PEX13: variants seen among roughly 807,000 people sequenced by gnomAD.
PEX13 encodes peroxisome biogenesis factor 13.
PEX13 carries 28 observed loss-of-function variants against 34.5 expected under a neutral mutation model. The observed-to-expected ratio is 0.81, with a 90% confidence interval of 0.60 to 1.11. The LOEUF (loss-of-function observed/expected upper bound fraction) is 1.11. Among genes scored for constraint, PEX13 ranks in the 50% most tolerant of loss-of-function variants. The pLI is 0.00. For synonymous variants in PEX13, 177 were observed against 175.1 expected, an observed-to-expected ratio of 1.01 and a Z score of -0.09; for missense variants, 550 against 491.0, an observed-to-expected ratio of 1.12 and a Z score of -1.13.
intron 1 of PEX13, among the ~76,000 whole-genome samples, chr2:61,021,464 G>A (rs569712844): frequency 2.0e-5 from 3 of 152,278 alleles, no homozygotes; most frequent in Non-Finnish European, 4.4e-5. Flanking sequence ...GCCTGGCAGG[G>A]GGAGGGGAAT....
chr2:61,037,759 A>G (rs1211729413), intron 2 of PEX13, among the ~76,000 whole-genome samples: 5 of 152,238 alleles, frequency 3.3e-5, no homozygotes, highest in Non-Finnish European at 7.3e-5. Context: ...CATAACTAAG[A>G]TCAGAGCAAA....
chr2:61,051,316 T>G lies in PEX13; in HGVS notation c.*2546T>G, dbSNP rs1305199093. Reference sequence around the variant, plus strand: ...GTTTGATAAAACAGATTATTAAATTTGGGGTTGAGATGTCTAAATTGAATG... The same window carrying G: ...GTTTGATAAAACAGATTATTAAATTGGGGGTTGAGATGTCTAAATTGAATG... On this transcript the variant is annotated 3_prime_UTR_variant, in exon 4 of 4. Transcript: ENST00000295030. The G allele has an allele frequency of 6.6e-6, 1 of 152,322 alleles. No individual in the cohort carries two copies. The highest frequency in any genetic ancestry group is 1.9e-4 in the East Asian group (1 of 5,346). 9.4% of individuals were successfully genotyped at this position (152,322 alleles called of 1,614,324 possible).
intron 2 of PEX13, among the ~76,000 whole-genome samples, chr2:61,032,998 T>C (rs1257720288): frequency 1.3e-5 from 2 of 152,228 alleles, no homozygotes; most frequent in Non-Finnish European, 2.9e-5. Flanking sequence ...TTATGAGACT[T>C]AATCTTTACA....
intron 2 of PEX13, among the ~76,000 whole-genome samples, chr2:61,033,836 A>G (rs1434602534): frequency 6.6e-6 from 1 of 152,190 alleles, no homozygotes; most frequent in East Asian, 1.9e-4. Context: ...GTGTGATTGG[A>G]GCAAAGTGTT....
intron 1 of PEX13, chr2:61,018,498 A>T (rs936529420): frequency 3.7e-6 from 2 of 534,502 alleles, no homozygotes; most frequent in Admixed American, 3.7e-5. Flanking sequence ...TTTAATCAGT[A>T]TCAGTTGGTT....
chr2:61,020,216 A>T (rs1184496597), intron 1 of PEX13, among the ~76,000 whole-genome samples: 1 of 151,836 alleles, frequency 6.6e-6, no homozygotes, highest in East Asian at 1.9e-4. Context: ...ACAGAGGGAG[A>T]CTCCATCTCA....
At chr2:61,047,398 C>T (rs1290511860) in intron 3 of PEX13, among the ~76,000 whole-genome samples, 2 of 152,160 alleles carry the variant, frequency 1.3e-5, no homozygotes, top group East Asian at 1.9e-4. Context: ...TTGTGATCCG[C>T]CCGACTTGGC....
At chr2:61,036,648 C>T (rs1680540443) in intron 2 of PEX13, among the ~76,000 whole-genome samples, 1 of 152,244 alleles carries the variant, frequency 6.6e-6, no homozygotes, top group East Asian at 1.9e-4. Flanking sequence ...AAAGGAACAA[C>T]TGGTACCAGC....
intron 1 of PEX13, among the ~76,000 whole-genome samples, chr2:61,022,260 G>A (rs571151847): frequency 3.3e-5 from 5 of 152,130 alleles, no homozygotes; most frequent in Non-Finnish European, 5.9e-5. Flanking sequence ...CTAACCCGTC[G>A]CAAAGAAGCT....
chr2:61,036,289 A>C (rs1434948946), intron 2 of PEX13, among the ~76,000 whole-genome samples: 2 of 152,192 alleles, frequency 1.3e-5, no homozygotes, highest in African/African-American at 4.8e-5. Flanking sequence ...AACACCAGGA[A>C]GATACTCCTC....
At chr2:61,020,078 T>C (rs181685893) in intron 1 of PEX13, among the ~76,000 whole-genome samples, 1 of 152,218 alleles carries the variant, frequency 6.6e-6, no homozygotes, top group East Asian at 1.9e-4. Context: ...AAAAAAACAT[T>C]AGCTGGGTGC....
At position 61,051,479 on chromosome 2, in the gene PEX13, G is replaced by A. The variant is rs1400552599; in HGVS notation, c.*2709G>A. ...GCTAAATTACGGTATGCATTATCTG[G>A]TGACTATTTGTGCCTGAAAATTCGT... On this transcript the variant is annotated 3_prime_UTR_variant, in exon 4 of 4. Coordinates refer to ENST00000295030, the MANE Select transcript of PEX13 (RefSeq NM_002618.4). 1.3e-5 allele frequency: 2 copies of A among 152,310 alleles called. No individual in the cohort carries two copies. Among genetic ancestry groups the A allele is most frequent in the Non-Finnish European group, 2.9e-5 (2 of 68,028 alleles). The allele number at this position is 152,310 out of a possible 1,614,324, so 9.4% of individuals were successfully genotyped here. A position where few individuals can be genotyped will look rare whatever the true frequency, so the allele number is the denominator to read the frequency against.
Position 61,017,742 on chromosome 2 carries a change from C to T in PEX13, c.-18C>T, listed in dbSNP as rs1395079216. ...GACAGTCAGGGGTAGGAGCGGGAGC[C>T]GAGAGGAGGCGGAGGAGATGGCGTC... On this transcript the variant is annotated 5_prime_UTR_variant, in exon 1 of 4. Transcript: ENST00000295030. 1 of 1,546,432 alleles carries T rather than the reference C, an allele frequency of 6.5e-7. No homozygotes were observed. Among genetic ancestry groups the T allele is most frequent in the Admixed American group, 2.0e-5 (1 of 50,864 alleles).
chr2:61,017,991 G>A, intron 1 of PEX13, 140 bp downstream of exon 1: 4 of 1,313,408 alleles, frequency 3.0e-6, no homozygotes, highest in Non-Finnish European at 3.1e-6. Context: ...GGGCCGAGGT[G>A]GAGCTGGGGC....
At chr2:61,032,227 T>G in intron 2 of PEX13, 114 bp downstream of exon 2, 2 of 808,272 alleles carry the variant, frequency 2.5e-6, no homozygotes, top group Non-Finnish European at 3.9e-6. Context: ...CAGTTATATT[T>G]TCAGTTAAGA....
chr2:61,027,673 C>T (rs1237544866), intron 1 of PEX13, among the ~76,000 whole-genome samples: 1 of 152,182 alleles, frequency 6.6e-6, no homozygotes, highest in Non-Finnish European at 1.5e-5. Flanking sequence ...TGAGTAGGCC[C>T]GTAGCTTCAG....
At chr2:61,040,840 T>A (rs1680614164) in intron 2 of PEX13, among the ~76,000 whole-genome samples, 1 of 147,860 alleles carries the variant, frequency 6.8e-6, no homozygotes, top group Non-Finnish European at 1.5e-5. Context: ...TGTATATATA[T>A]AAAAAAGTAT....
intron 2 of PEX13, among the ~76,000 whole-genome samples, chr2:61,034,285 C>T (rs1377432960): frequency 1.3e-5 from 2 of 152,224 alleles, no homozygotes; most frequent in East Asian, 3.8e-4. Context: ...GCATGAGCCA[C>T]CACACCCAGC....
chr2:61,036,438 A>T (rs1022358260), intron 2 of PEX13, among the ~76,000 whole-genome samples: 25 of 152,254 alleles, frequency 1.6e-4, no homozygotes, highest in Admixed American at 1.4e-3. Flanking sequence ...CTCTCAGCAG[A>T]AACCCTACAA....
Sources: gnomAD v4.1 joint callset for allele counts (sites outside exome capture counted in the v4.1 genomes callset) on GRCh38, gnomAD v4.1.1 for gene constraint, MANE v1.5 for transcripts, NCBI Gene and HGNC (gene_info 2026-07-23, HGNC 2026-07-21) for gene names.